Variants in IFT140 observed in about 807,000 individuals in gnomAD.
IFT140 encodes intraflagellar transport protein 140 homolog.
Under a neutral mutation model 164.6 loss-of-function variants are expected in IFT140, and 133 were observed. That is an observed-to-expected ratio of 0.81 (90% confidence interval 0.70 to 0.93). The LOEUF is 0.93. Among genes scored for constraint, IFT140 ranks in the 40% least tolerant of loss-of-function variants. IFT140 has a pLI of 0.00. For missense variants in IFT140, 2,045 were observed against 1,972.3 expected (o/e 1.04, Z -0.70); for synonymous variants, 860 against 817.3 (o/e 1.05, Z -0.89).
intron 19 of IFT140, among the ~76,000 whole-genome samples, chr16:1,528,305 A>ACACACACGCACGCATGCACGCACGTGTG (rs2029946736): frequency 7.9e-6 from 1 of 126,900 alleles, no homozygotes; most frequent in African/African-American, 3.4e-5. Context: ...CACCAAAGCC[A>ACACACACGCACGCATGCACGCACGTGTG]CACACACACG....
intron 13 of IFT140, chr16:1,577,754 C>T (rs8182166): frequency 0.19 from 28,588 of 151,992 alleles, 3,450 homozygotes; most frequent in African/African-American, 0.33. Flanking sequence ...ACTAGGGAGG[C>T]TGAGGCAGGA....
At chr16:1,518,443 G>A in intron 29 of IFT140, 86 bp from the exon 30 acceptor site, 1 of 1,357,296 alleles carries the variant, frequency 7.4e-7, no homozygotes, top group Non-Finnish European at 9.9e-7. Flanking sequence ...TGGCCTGTAA[G>A]AGGAGCTCTC....
chr16:1,553,787 T>G lies in IFT140; in HGVS notation c.2399+4148A>C. The G allele has an allele frequency of 8.4e-7, 1 of 1,196,410 alleles. No individual in the cohort carries two copies. Among genetic ancestry groups the G allele is most frequent in the Non-Finnish European group, 1.1e-6 (1 of 946,238 alleles). 74.1% of individuals were successfully genotyped at this position (1,196,410 alleles called of 1,614,324 possible). A position where few individuals can be genotyped will look rare whatever the true frequency, so the allele number is the denominator to read the frequency against. ...GGCCATGTGGACAGCCTCTCCTCCA[T>G]CCTAGAGCCTATGTTTCCAGCTGGA... On this transcript the variant is annotated intron_variant, in intron 19 of 30. Coordinates refer to ENST00000426508, the MANE Select transcript of IFT140 (RefSeq NM_014714.4). The surrounding 1 kb of genome is among the most constrained non-coding windows in gnomAD (Gnocchi z 4.4).
At position 1,561,975 on chromosome 16, in the gene IFT140, G is replaced by A. The variant is rs753778878; in HGVS notation, c.2199+10C>T. On this transcript the variant is annotated intron_variant, in intron 18 of 30. Coordinates refer to ENST00000426508, the MANE Select transcript of IFT140 (RefSeq NM_014714.4). ...CAGAAGACACCTGTGCGGATGTCGT[G>A]GCTTCGTACCTTTCTTGTGAAGTAG... The A allele has an allele frequency of 3.1e-6, 5 of 1,591,444 alleles. No individual in the cohort carries two copies. The African/African-American group carries it at 5.4e-5, about 17-fold the overall frequency.
chr16:1,587,351 G>A (rs2034942119), intron 8 of IFT140, 47 bp from the exon 9 acceptor site: 3 of 1,237,870 alleles, frequency 2.4e-6, no homozygotes, highest in East Asian at 2.3e-5. Flanking sequence ...TGTTAGTGGC[G>A]TTTCCCTCTG....
intron 19 of IFT140, chr16:1,530,591 T>G (rs776905503): frequency 1.3e-5 from 2 of 151,790 alleles, no homozygotes; most frequent in Non-Finnish European, 2.9e-5. Context: ...CACATCCAAT[T>G]GCGGTGGAAA....
chr16:1,526,101 G>T, intron 20 of IFT140, 24 bp from the exon 21 acceptor site: 1 of 1,557,554 alleles, frequency 6.4e-7, no homozygotes. Context: ...ATGGGCAGGT[G>T]TCGTGCAGCC....
intron 10 of IFT140, among the ~76,000 whole-genome samples, chr16:1,584,661 G>GGTAT (rs1417543705): frequency 2.0e-5 from 3 of 152,166 alleles, no homozygotes; most frequent in Admixed American, 2.0e-4. Context: ...AGGCAGCACT[G>GGTAT]GTATGTCTGT....
intron 3 of IFT140, 43 bp downstream of exon 3, chr16:1,607,077 C>G (rs2036111798): frequency 3.1e-6 from 5 of 1,600,104 alleles, no homozygotes; most frequent in Non-Finnish European, 4.3e-6. Flanking sequence ...ACAACATGAG[C>G]CAGAAGCTAC....
intron 19 of IFT140, among the ~76,000 whole-genome samples, chr16:1,546,591 T>C (rs1182643917): frequency 1.3e-5 from 2 of 152,164 alleles, no homozygotes; most frequent in Non-Finnish European, 2.9e-5. Flanking sequence ...CCGAGGCGCA[T>C]CCCACGTGCT....
intron 24 of IFT140, 119 bp downstream of exon 24, chr16:1,524,410 AGGCAGACGGGGTGAGCAGTGAGT>A (rs2040612224): frequency 9.0e-7 from 1 of 1,116,624 alleles, no homozygotes; most frequent in Non-Finnish European, 1.2e-6. Flanking sequence ...TGGGCGGGTG[AGGCAGACGGGGTGAGCAGTGAGT>A]GGCAGACACT....
intron 25 of IFT140, 37 bp from the exon 26 acceptor site, chr16:1,523,737 C>A: frequency 1.2e-6 from 2 of 1,606,772 alleles, no homozygotes; most frequent in Non-Finnish European, 1.7e-6. Flanking sequence ...CTGCCCGAGG[C>A]CTGGGGGCCC....
At chr16:1,535,622 T>C (rs1055127307) in intron 19 of IFT140, among the ~76,000 whole-genome samples, 2 of 152,136 alleles carry the variant, frequency 1.3e-5, no homozygotes, top group African/African-American at 2.4e-5. Flanking sequence ...ATCCCCAACC[T>C]GCCGCGCTCA....
At chr16:1,546,791 G>T (rs753305082) in intron 19 of IFT140, among the ~76,000 whole-genome samples, 26 of 152,230 alleles carry the variant, frequency 1.7e-4, no homozygotes, top group Non-Finnish European at 3.4e-4. Flanking sequence ...ACACTTTTCG[G>T]TGGTTTGATC....
chr16:1,511,161 G>A lies in IFT140; in HGVS notation c.4183-11C>T, dbSNP rs776525322. The A allele has an allele frequency of 3.1e-6, 5 of 1,593,712 alleles. No individual in the cohort carries two copies. Among genetic ancestry groups the A allele is most frequent in the Middle Eastern group, 1.7e-4 (1 of 6,044 alleles). The stretch of plus-strand genomic sequence containing the variant: ...CAGGAATCTGTAGGCCTGGGGCAGA[G>A]GAGCAGACATTACTCAGCTTTCCTG... On this transcript the variant is annotated splice_polypyrimidine_tract_variant and intron_variant, in intron 30 of 30. Coordinates refer to ENST00000426508, the MANE Select transcript of IFT140 (RefSeq NM_014714.4).
At chr16:1,554,979 C>T (rs1410650271) in intron 19 of IFT140, 8 of 1,613,702 alleles carry the variant, frequency 5.0e-6, no homozygotes, top group Admixed American at 1.7e-5. Flanking sequence ...CCTGACAGCG[C>T]GCTTTCGCCG....
chr16:1,584,290 A>C lies in IFT140; in HGVS notation c.1286T>G (p.Val429Gly). 6.2e-7 allele frequency: 1 copy of C among 1,613,926 alleles called. No individual in the cohort carries two copies. Among genetic ancestry groups the C allele is most frequent in the Middle Eastern group, 1.6e-4 (1 of 6,062 alleles). Reference sequence around the variant, plus strand: ...TGCGACCCCCGTGGACAGGAAGCACACATTCAGCAGACTCGGGGAGACCTG... The same window carrying C: ...TGCGACCCCCGTGGACAGGAAGCACCCATTCAGCAGACTCGGGGAGACCTG... ...AMQVSPSLLN[V>G]CFLSTGVAHS... Residue 429 changes from valine to glycine, a missense_variant, in exon 11 of 31, where the codon GTG becomes GGG. Val to Gly is a moderately radical substitution (Grantham distance 109). Transcript: ENST00000426508.
intron 6 of IFT140, among the ~76,000 whole-genome samples, chr16:1,591,188 AC>A (rs1355244999): frequency 6.6e-6 from 1 of 151,044 alleles, no homozygotes; most frequent in African/African-American, 2.4e-5. Context: ...CCTGGCACGC[AC>A]CCCCTCCTCT....
At chr16:1,567,932 C>G (rs1246685726) in intron 15 of IFT140, among the ~76,000 whole-genome samples, 1 of 152,200 alleles carries the variant, frequency 6.6e-6, no homozygotes, top group Non-Finnish European at 1.5e-5. Flanking sequence ...AACTCTCCAA[C>G]AAGGAATCGA....
Sources: allele counts gnomAD v4.1 joint callset (sites outside exome capture counted in the v4.1 genomes callset), GRCh38; gene constraint gnomAD v4.1.1; non-coding constraint Gnocchi (gnomAD v3.1); transcripts MANE v1.5; gene names NCBI Gene and HGNC (gene_info 2026-07-23, HGNC 2026-07-21).